The following GRAMD2B variants were observed in gnomAD, a reference collection of about 807,000 sequenced individuals.
The protein encoded by GRAMD2B is GRAM domain-containing protein 2B.
Under a neutral mutation model 59.2 loss-of-function variants are expected in GRAMD2B, and 41 were observed. The observed-to-expected ratio is 0.69, with a 90% confidence interval of 0.54 to 0.90. The LOEUF (loss-of-function observed/expected upper bound fraction) is 0.90, where lower values mean the gene tolerates loss of function less well. Ranked by LOEUF, GRAMD2B falls within the 40% of genes least tolerant of loss-of-function variation. The probability of loss-of-function intolerance (pLI) is 0.00; values close to 1 mark genes in which losing one functional copy is unlikely to be tolerated. For missense variants in GRAMD2B, 424 were observed against 500.5 expected (o/e 0.85, Z 1.46); for synonymous variants, 161 against 182.7 (o/e 0.88, Z 0.96).
chr5:126,421,982 T>C (rs988412933), upstream of GRAMD2B, among the ~76,000 whole-genome samples: 1 of 152,238 alleles, frequency 6.6e-6, no homozygotes, highest in African/African-American at 2.4e-5. Flanking sequence ...TGTAATTGTT[T>C]TGAAGTCAAG....
intron 1 of GRAMD2B, among the ~76,000 whole-genome samples, chr5:126,408,136 G>A (rs985882939): frequency 1.3e-5 from 2 of 151,914 alleles, no homozygotes; most frequent in Non-Finnish European, 2.9e-5. Flanking sequence ...AGTGTCCACT[G>A]TTGCCATCTT....
At chr5:126,432,157 G>C (rs1456964363) in intron 1 of GRAMD2B, among the ~76,000 whole-genome samples, 2 of 152,102 alleles carry the variant, frequency 1.3e-5, no homozygotes, top group Non-Finnish European at 2.9e-5. Context: ...TTGAACTCCT[G>C]GCTTCAAGAG....
At chr5:126,399,064 T>G (rs1757604134) in intron 1 of GRAMD2B, among the ~76,000 whole-genome samples, 1 of 152,212 alleles carries the variant, frequency 6.6e-6, no homozygotes, top group Admixed American at 6.5e-5. Flanking sequence ...AAAATGAGTA[T>G]TCTGGTACTG....
chr5:126,369,122 G>A (rs1250126063), upstream of GRAMD2B, among the ~76,000 whole-genome samples: 1 of 152,100 alleles, frequency 6.6e-6, no homozygotes, highest in Non-Finnish European at 1.5e-5. Context: ...CCATTTATTT[G>A]TTCATGAGCA....
chr5:126,456,597 G>C (rs1420062090), intron 1 of GRAMD2B, among the ~76,000 whole-genome samples: 1 of 152,060 alleles, frequency 6.6e-6, no homozygotes, highest in Non-Finnish European at 1.5e-5. Flanking sequence ...TTGTTTATCA[G>C]TATTAAACCT....
rs1201362951 is a variant in GRAMD2B at position 126,444,052 on chromosome 5, C to CA, written c.83+20375dup. Among the ~76,000 whole-genome samples the CA allele has an allele frequency of 2.3e-3, 327 of 139,390 alleles. 2 individuals carry two copies. In the East Asian group the frequency reaches 0.026, roughly 11 times the overall value. The allele number at this position is 139,390 out of a possible 152,430, so 91.4% of individuals were successfully genotyped here. On this transcript the variant is annotated intron_variant, in intron 1 of 13. Coordinates refer to ENST00000285689, the MANE Select transcript of GRAMD2B (RefSeq NM_023927.4). ...GGGCAAGAAGAGTGAAACTCCATCT[C>CA]AAAAAAAAAAAAGAGAGAGGCCTTC...
chr5:126,380,219 G>C (rs985521438), intron 1 of GRAMD2B, among the ~76,000 whole-genome samples: 3 of 152,056 alleles, frequency 2.0e-5, no homozygotes, highest in African/African-American at 7.2e-5. Flanking sequence ...TTGGCTGTAG[G>C]CATTTGGCTT....
intron 1 of GRAMD2B, among the ~76,000 whole-genome samples, chr5:126,382,172 G>A (rs1038709190): frequency 5.9e-5 from 9 of 152,092 alleles, no homozygotes; most frequent in African/African-American, 9.7e-5. Context: ...GTGCCTAGTC[G>A]ATTATCTTTT....
chr5:126,385,590 TTC>T (rs762687509), intron 1 of GRAMD2B, among the ~76,000 whole-genome samples: 29 of 152,358 alleles, frequency 1.9e-4, no homozygotes, highest in South Asian at 4.1e-4. Flanking sequence ...TGCTATTATT[TTC>T]TCTGTGCCGG....
upstream of GRAMD2B, among the ~76,000 whole-genome samples, chr5:126,419,916 G>A (rs1209539643): frequency 7.2e-5 from 11 of 151,952 alleles, no homozygotes; most frequent in Non-Finnish European, 1.2e-4. Flanking sequence ...TTAGCTGGGC[G>A]TGGTGGTGTG....
chr5:126,466,886 T>G (rs1433292355), intron 2 of GRAMD2B, among the ~76,000 whole-genome samples: 1 of 152,122 alleles, frequency 6.6e-6, no homozygotes, highest in Non-Finnish European at 1.5e-5. Context: ...AATAATACAC[T>G]CTCACAGGGC....
Position 126,472,354 on chromosome 5 carries a change from T to C in GRAMD2B, c.382+50T>C, listed in dbSNP as rs777448213. The C allele has an allele frequency of 5.4e-6, 8 of 1,479,616 alleles. No individual in the cohort carries two copies. In the African/African-American group the frequency reaches 1.1e-4, roughly 21 times the overall value. The allele number at this position is 1,479,616 out of a possible 1,614,324, so 91.7% of individuals were successfully genotyped here. Reference sequence around the variant, plus strand: ...TTAAGCTACATATTTGAAAAGTTGATCATTAGTTTTGGGGAAGAAAAAGGG... The same window carrying C: ...TTAAGCTACATATTTGAAAAGTTGACCATTAGTTTTGGGGAAGAAAAAGGG... On this transcript the variant is annotated intron_variant, in intron 4 of 13. Coordinates refer to ENST00000285689, the MANE Select transcript of GRAMD2B (RefSeq NM_023927.4).
intron 1 of GRAMD2B, among the ~76,000 whole-genome samples, chr5:126,456,977 G>A (rs1284657573): frequency 4.0e-5 from 6 of 151,662 alleles, no homozygotes; most frequent in Non-Finnish European, 7.4e-5. Context: ...CAGATCACAA[G>A]GTCAGGAGAT....
intron 1 of GRAMD2B, among the ~76,000 whole-genome samples, chr5:126,448,661 G>A (rs1306394628): frequency 6.6e-6 from 1 of 152,098 alleles, no homozygotes; most frequent in Admixed American, 6.5e-5. Flanking sequence ...CCCTAGCTAA[G>A]CCAACCAAAT....
chr5:126,360,955 A>G (rs1754191363), intron 1 of GRAMD2B, among the ~76,000 whole-genome samples: 1 of 152,182 alleles, frequency 6.6e-6, no homozygotes, highest in Admixed American at 6.5e-5. Flanking sequence ...CTAGAAAGGT[A>G]GGTTTGGGTT....
At chr5:126,416,377 T>G (rs542222036) in intron 1 of GRAMD2B, among the ~76,000 whole-genome samples, 1 of 152,334 alleles carries the variant, frequency 6.6e-6, no homozygotes, top group South Asian at 2.1e-4. Flanking sequence ...TTATTCAACA[T>G]TAGAACATCT....
intron 1 of GRAMD2B, among the ~76,000 whole-genome samples, chr5:126,427,459 C>A (rs1240578369): frequency 6.6e-6 from 1 of 152,168 alleles, no homozygotes; most frequent in East Asian, 1.9e-4. Flanking sequence ...CATGTAATAT[C>A]ATTCAAATTG....
chr5:126,416,152 A>C (rs1161685528), intron 1 of GRAMD2B, among the ~76,000 whole-genome samples: 1 of 152,162 alleles, frequency 6.6e-6, no homozygotes. Flanking sequence ...TTGCCTGTGG[A>C]TTATAAACAG....
intron 1 of GRAMD2B, among the ~76,000 whole-genome samples, chr5:126,411,848 G>GTGTGTGTGTGTGTT (rs1443007093): frequency 5.9e-5 from 9 of 151,324 alleles, no homozygotes; most frequent in African/African-American, 2.2e-4. Context: ...TCTGGTGTGT[G>GTGTGTGTGTGTGTT]TGTGTGTGTG....
Sources: gnomAD v4.1 joint callset for allele counts (sites outside exome capture counted in the v4.1 genomes callset) on GRCh38, gnomAD v4.1.1 for gene constraint, MANE v1.5 for transcripts, NCBI Gene and HGNC (gene_info 2026-07-23, HGNC 2026-07-21) for gene names.